The following TTLL5 variants were observed in gnomAD, a reference collection of about 807,000 sequenced individuals.
TTLL5 encodes the protein tubulin polyglutamylase TTLL5.
Under a neutral mutation model 168.4 loss-of-function variants are expected in TTLL5, and 132 were observed. The ratio of observed to expected loss-of-function variants is 0.78; its 90% CI spans 0.68 to 0.91. The LOEUF is 0.91. Ranked by LOEUF, TTLL5 falls within the 40% of genes least tolerant of loss-of-function variation. The pLI is 0.00. For missense variants in TTLL5, 1,545 were observed against 1,581.5 expected (o/e 0.98, Z 0.39); for synonymous variants, 546 against 558.6 (o/e 0.98, Z 0.32).
In TTLL5 at chr14:75,745,525, TC is replaced by T; in HGVS notation, c.1432del (p.Arg478GlyfsTer28). On this transcript the variant is annotated frameshift_variant, in exon 17 of 32. Coordinates refer to ENST00000298832, the MANE Select transcript of TTLL5 (RefSeq NM_015072.5). LOFTEE classifies it high-confidence loss of function. ...TACGAAGGGTGAAGGAGGAGAATGA[TC>T]GGCGAGGTGGATTTATTCGCATATT... ...VLRRVKEEND[R>X]RGGFIRIFPT... 1 of 1,614,014 alleles carries T rather than the reference TC, an allele frequency of 6.2e-7. No individual in the cohort carries two copies. Among genetic ancestry groups the T allele is most frequent in the Non-Finnish European group, 8.5e-7 (1 of 1,179,974 alleles).
At chr14:75,934,426 TAATC>T (rs2034373012) in intron 31 of TTLL5, among the ~76,000 whole-genome samples, 2 of 152,220 alleles carry the variant, frequency 1.3e-5, no homozygotes, top group South Asian at 4.1e-4. Flanking sequence ...CTGACTAACT[TAATC>T]TATAAGCTAT....
intron 31 of TTLL5, among the ~76,000 whole-genome samples, chr14:75,934,541 T>G (rs1401084697): frequency 2.6e-5 from 4 of 152,190 alleles, no homozygotes; most frequent in African/African-American, 9.7e-5. Flanking sequence ...TTTAATGGAC[T>G]AGATTGAAGA....
intron 12 of TTLL5, among the ~76,000 whole-genome samples, chr14:75,727,124 G>C (rs1888233144): frequency 6.6e-6 from 1 of 152,194 alleles, no homozygotes; most frequent in Admixed American, 6.5e-5. Context: ...AAATGACTAA[G>C]GTGGTAAGAG....
At chr14:75,877,482 C>T (rs2031557695) in intron 29 of TTLL5, among the ~76,000 whole-genome samples, 1 of 152,114 alleles carries the variant, frequency 6.6e-6, no homozygotes, top group South Asian at 2.1e-4. Context: ...CCAAGCCAAC[C>T]CTCAAACTGT....
At chr14:75,693,924 A>G (rs534367436) in intron 6 of TTLL5, among the ~76,000 whole-genome samples, 183 of 152,360 alleles carry the variant, frequency 1.2e-3, no homozygotes, top group African/African-American at 4.3e-3. Flanking sequence ...ATCAGGCTAA[A>G]TTTTACAAAT....
intron 31 of TTLL5, among the ~76,000 whole-genome samples, chr14:75,911,975 A>C (rs931432797): frequency 6.6e-6 from 1 of 152,170 alleles, no homozygotes; most frequent in Admixed American, 6.5e-5. Context: ...CACAGGGAGG[A>C]ATCAGTCTCA....
In TTLL5 at chr14:75,783,361, C is replaced by A; in HGVS notation, c.2817C>A (p.Val939=). 2 of 1,614,212 alleles carry A rather than the reference C, an allele frequency of 1.2e-6. No individual in the cohort carries two copies. Among genetic ancestry groups the A allele is most frequent in the Non-Finnish European group, 1.7e-6 (2 of 1,180,030 alleles). ...PHQPTILLNT[V]SASASPCLHP... is the part of the protein sequence containing the mutation. ...AGCCAACAATTTTACTGAACACAGT[C>A]TCTGCCAGTGCTTCTCCCTGCCTAC... Residue 939 remains valine, a synonymous_variant, in exon 26 of 32, where the codon GTC becomes GTA. Coordinates refer to ENST00000298832, the MANE Select transcript of TTLL5 (RefSeq NM_015072.5).
At chr14:75,862,056 T>C (rs1404328414) in intron 28 of TTLL5, among the ~76,000 whole-genome samples, 1 of 152,216 alleles carries the variant, frequency 6.6e-6, no homozygotes, top group Non-Finnish European at 1.5e-5. Flanking sequence ...CTACTTTCTG[T>C]CTCTAAAATT....
chr14:75,932,874 G>A (rs2034319958), intron 31 of TTLL5, among the ~76,000 whole-genome samples: 1 of 152,240 alleles, frequency 6.6e-6, no homozygotes, highest in Admixed American at 6.5e-5. Flanking sequence ...GAGCGTTGTT[G>A]GTGTTGTTTT....
rs10132051 is a variant in TTLL5, at chr14:75,687,965, C to T, written c.372-2227C>T. ...GGGCCAGGATGCATGGCAACTGGAA[C>T]ACTTTTGCTGGCGGGAATGCAGAGT... On this transcript the variant is annotated intron_variant, in intron 5 of 31. Transcript: ENST00000298832. Among the ~76,000 whole-genome samples the T allele has an allele frequency of 9.0e-3, 1,368 of 152,298 alleles. 22 individuals carry two copies. Among genetic ancestry groups the T allele is most frequent in the African/African-American group, 0.032 (1,315 of 41,560 alleles).
intron 31 of TTLL5, among the ~76,000 whole-genome samples, chr14:75,942,024 C>CA (rs34179802): frequency 0.78 from 117,668 of 150,802 alleles, 45,997 homozygotes; most frequent in Admixed American, 0.83. Context: ...ACTAAAAATA[C>CA]AAAAAAACTA....
intron 18 of TTLL5, 23 bp from the exon 19 acceptor site, chr14:75,764,592 C>G: frequency 6.2e-7 from 1 of 1,613,038 alleles, no homozygotes; most frequent in Non-Finnish European, 8.5e-7. Flanking sequence ...AAGGCCATAG[C>G]TACCATGTTG....
At chr14:75,694,898 G>A (rs1015002484) in intron 6 of TTLL5, among the ~76,000 whole-genome samples, 5 of 152,136 alleles carry the variant, frequency 3.3e-5, no homozygotes, top group African/African-American at 1.2e-4. Context: ...CATAAGCTGA[G>A]GACGTATGTC....
At chr14:75,900,687 C>G (rs778117061) in intron 30 of TTLL5, among the ~76,000 whole-genome samples, 28 of 152,286 alleles carry the variant, frequency 1.8e-4, no homozygotes, top group Admixed American at 2.6e-4. Flanking sequence ...GCCTCAGAGT[C>G]ATTATATATG....
intron 27 of TTLL5, among the ~76,000 whole-genome samples, chr14:75,799,598 G>C (rs1893174766): frequency 6.6e-6 from 1 of 152,108 alleles, no homozygotes; most frequent in Non-Finnish European, 1.5e-5. Context: ...TTCTATTTTG[G>C]TGTATTTCGA....
At chr14:75,782,443 C>A in intron 24 of TTLL5, 44 bp from the exon 25 acceptor site, 1 of 1,485,512 alleles carries the variant, frequency 6.7e-7, no homozygotes, top group Non-Finnish European at 9.3e-7. Context: ...AGCGGACTTG[C>A]AATTGATTAT....
At position 75,884,869 on chromosome 14, in the gene TTLL5, TA is replaced by T. The variant is rs763253279; in HGVS notation, c.3740+1980del. On this transcript the variant is annotated intron_variant, in intron 30 of 31. Coordinates refer to ENST00000298832, the MANE Select transcript of TTLL5 (RefSeq NM_015072.5). ...CCCCTATGAAGTATCCTGATAAAGT[TA>T]AAAAAAAAAAAACAACTGGGCCAAG... Among the ~76,000 whole-genome samples, 526 of 140,972 alleles carry T rather than the reference TA, an allele frequency of 3.7e-3. 1 individual carries two copies. In the Middle Eastern group the frequency reaches 0.05, roughly 13 times the overall value. 92.5% of individuals were successfully genotyped at this position (140,972 alleles called of 152,430 possible).
At chr14:75,846,193 C>G (rs1595140680) in intron 28 of TTLL5, among the ~76,000 whole-genome samples, 1 of 152,182 alleles carries the variant, frequency 6.6e-6, no homozygotes, top group East Asian at 1.9e-4. Context: ...GCTTTGTATG[C>G]TGACTCTCCT....
intron 18 of TTLL5, among the ~76,000 whole-genome samples, chr14:75,759,575 TAGA>T (rs373249515): frequency 2.2e-4 from 33 of 151,986 alleles, no homozygotes; most frequent in Non-Finnish European, 2.9e-4. Context: ...GACATTAAAA[TAGA>T]AGAAGAAGAG....
Sources: gnomAD v4.1 joint callset for allele counts (sites outside exome capture counted in the v4.1 genomes callset) on GRCh38, gnomAD v4.1.1 for gene constraint, MANE v1.5 for transcripts, NCBI Gene and HGNC (gene_info 2026-07-23, HGNC 2026-07-21) for gene names.